Variants in TACR3 observed in about 807,000 individuals in gnomAD.
TACR3 encodes the protein tachykinin receptor 3.
Under a neutral mutation model 35.0 loss-of-function variants are expected in TACR3, and 34 were observed. The ratio of observed to expected loss-of-function variants is 0.97; its 90% confidence interval spans 0.74 to 1.30. TACR3 has a LOEUF of 1.30. TACR3 is among the 50% of genes most tolerant of loss of function. The pLI, the probability that TACR3 is intolerant of heterozygous loss-of-function variation, is 0.00. For synonymous variants in TACR3, 233 were observed against 221.1 expected (o/e 1.05, Z -0.48); for missense variants, 558 against 591.7 (o/e 0.94, Z 0.59).
At chr4:103,642,215 T>C (rs1725369933) in intron 3 of TACR3, among the ~76,000 whole-genome samples, 1 of 150,568 alleles carries the variant, frequency 6.6e-6, no homozygotes, top group Non-Finnish European at 1.5e-5. Context: ...TACATATTTA[T>C]ATATATATAT....
intron 3 of TACR3, among the ~76,000 whole-genome samples, chr4:103,635,155 T>A (rs557844066): frequency 2.0e-5 from 3 of 152,086 alleles, no homozygotes; most frequent in South Asian, 4.1e-4. Context: ...CTACTACATA[T>A]AAACATGACA....
intron 1 of TACR3, among the ~76,000 whole-genome samples, chr4:103,674,194 A>G (rs1726116456): frequency 6.6e-6 from 1 of 152,176 alleles, no homozygotes; most frequent in Non-Finnish European, 1.5e-5. Flanking sequence ...ACAGATTTCA[A>G]AAACAGTGTT....
In TACR3 at chr4:103,589,769, A is replaced by T; in HGVS notation, c.1311T>A (p.Asn437Lys). The T allele has an allele frequency of 6.2e-7, 1 of 1,613,994 alleles. No homozygotes were observed. The highest frequency in any genetic ancestry group is 8.5e-7 in the Non-Finnish European group (1 of 1,179,900). ...ATTTGGAATTCCTGCGAGAGCAGCC[A>T]TTGAAACTTGGGTCTCTTGGCGTTG... ...KRATPRDPSF[N>K]GCSRRNSKSA... The change falls in exon 5 of 5, where the codon AAT becomes AAA. Residue 437 changes from asparagine (N) to lysine (K), a missense_variant. Physicochemically the swap from Asn to Lys is moderately conservative, Grantham distance 94 (BLOSUM62 0). Transcript: ENST00000304883.
At chr4:103,716,107 T>G (rs371514142) in intron 1 of TACR3, among the ~76,000 whole-genome samples, 2 of 152,090 alleles carry the variant, frequency 1.3e-5, no homozygotes, top group African/African-American at 4.8e-5. Context: ...TTGGAAAAGC[T>G]TATCATCTTT....
rs116332368 is a variant in TACR3, at chr4:103,714,067, G to T, written c.548+5061C>A. On this transcript the variant is annotated intron_variant, in intron 1 of 4. Transcript: ENST00000304883. ...ATGAAAATATGGGATATAAGCAAATGATACTTTCATGCTTGTTAGACATTT... is the reference window on the plus strand; with the variant it reads ...ATGAAAATATGGGATATAAGCAAATTATACTTTCATGCTTGTTAGACATTT... Among the ~76,000 whole-genome samples, 868 of 152,172 alleles carry T rather than the reference G, an allele frequency of 5.7e-3. 8 individuals carry two copies. The highest frequency in any genetic ancestry group is 0.02 in the African/African-American group (820 of 41,514).
chr4:103,625,053 C>G (rs952555133), intron 3 of TACR3, among the ~76,000 whole-genome samples: 3 of 152,084 alleles, frequency 2.0e-5, no homozygotes, highest in African/African-American at 7.2e-5. Flanking sequence ...TGCCTCAGAA[C>G]TGACTTCAGA....
At chr4:103,686,606 C>A (rs1722247585) in intron 1 of TACR3, among the ~76,000 whole-genome samples, 1 of 152,140 alleles carries the variant, frequency 6.6e-6, no homozygotes, top group Admixed American at 6.6e-5. Flanking sequence ...TATAAAATGT[C>A]TGATTTTTGA....
At chr4:103,625,944 G>A (rs998463329) in intron 3 of TACR3, among the ~76,000 whole-genome samples, 1 of 152,162 alleles carries the variant, frequency 6.6e-6, no homozygotes, top group East Asian at 1.9e-4. Context: ...TGAAGGGAAG[G>A]CCACATGAAG....
At chr4:103,606,746 A>C (rs1248645145) in intron 3 of TACR3, among the ~76,000 whole-genome samples, 2 of 152,122 alleles carry the variant, frequency 1.3e-5, no homozygotes, top group Non-Finnish European at 1.5e-5. Context: ...TTTTCTAGAT[A>C]TACAATCATG....
rs548868893 is a variant in TACR3, at chr4:103,589,969, A to G, written c.1111T>C (p.Phe371Leu). 1 of 1,613,646 alleles carries G rather than the reference A, an allele frequency of 6.2e-7. No individual in the cohort carries two copies. The highest frequency in any genetic ancestry group is 8.5e-7 in the Non-Finnish European group (1 of 1,179,720). The change falls in exon 5 of 5, where the codon TTT (phenylalanine) becomes CTT (leucine). Residue 371 changes from phenylalanine (F) to leucine (L), a missense_variant. Phe to Leu is a conservative substitution (Grantham distance 22). Transcript: ENST00000304883. ...KRFRAGFKRA[F>L]RWCPFIKVSS... ...ACTTTGATGAAAGGACACCAGCGAA[A>G]TGCTCTCTTGAAGCCAGCTCGAAAT...
intron 1 of TACR3, among the ~76,000 whole-genome samples, chr4:103,705,127 A>G (rs1722756218): frequency 6.6e-6 from 1 of 152,154 alleles, no homozygotes. Context: ...CTTAAAAATT[A>G]AATCCTGAGT....
intron 3 of TACR3, among the ~76,000 whole-genome samples, chr4:103,606,912 G>A (rs1412344670): frequency 6.6e-6 from 1 of 152,106 alleles, no homozygotes; most frequent in Non-Finnish European, 1.5e-5. Flanking sequence ...TTTTCAAAGG[G>A]AATGCTTCCA....
chr4:103,661,473 T>C (rs936998523), intron 1 of TACR3, among the ~76,000 whole-genome samples: 19 of 152,286 alleles, frequency 1.2e-4, no homozygotes, highest in Admixed American at 7.8e-4. Flanking sequence ...GCTTTGTTGC[T>C]TGCTCTGGCA....
intron 3 of TACR3, among the ~76,000 whole-genome samples, chr4:103,607,430 T>G (rs1305600047): frequency 7.9e-5 from 12 of 151,838 alleles, no homozygotes; most frequent in Admixed American, 7.2e-4. Flanking sequence ...GTTATTATGC[T>G]CATAATAAGA....
At position 103,698,165 on chromosome 4, in the gene TACR3, GA is replaced by G. The variant is rs2110221249; in HGVS notation, c.548+20962del. On this transcript the variant is annotated intron_variant, in intron 1 of 4. Transcript: ENST00000304883. ...AATGGAATCATAATTAGTAGTTAAA[GA>G]AATTTGAATGTATTTTACATCATGT... 2.6e-5 allele frequency among the ~76,000 whole-genome samples: 4 copies of G among 151,988 alleles called. No individual in the cohort carries two copies. The South Asian group carries it at 8.3e-4, about 32-fold the overall frequency.
At chr4:103,705,273 T>TA (rs1308990206) in intron 1 of TACR3, among the ~76,000 whole-genome samples, 1 of 152,254 alleles carries the variant, frequency 6.6e-6, no homozygotes, top group African/African-American at 2.4e-5. Context: ...TGCAATTTCA[T>TA]AAAAAATATG....
At position 103,588,665 on chromosome 4, in the gene TACR3, A is replaced by G. The variant is rs774956459; in HGVS notation, c.*1017T>C. Reference sequence around the variant, plus strand: ...TTTCTAAGAGGTAATTCACTTGTCTACACCTTGCCTAGTTTACTCATATGT... The same window carrying G: ...TTTCTAAGAGGTAATTCACTTGTCTGCACCTTGCCTAGTTTACTCATATGT... On this transcript the variant is annotated 3_prime_UTR_variant, in exon 5 of 5. Coordinates refer to ENST00000304883, the MANE Select transcript of TACR3 (RefSeq NM_001059.3). The G allele has an allele frequency of 1.3e-5, 2 of 152,122 alleles. No individual in the cohort carries two copies. Among genetic ancestry groups the G allele is most frequent in the Non-Finnish European group, 2.9e-5 (2 of 67,986 alleles). 9.4% of individuals were successfully genotyped at this position (152,122 alleles called of 1,614,324 possible). A position where few individuals can be genotyped will look rare whatever the true frequency, so the allele number is the denominator to read the frequency against.
chr4:103,680,155 CAT>C (rs148311098), intron 1 of TACR3, among the ~76,000 whole-genome samples: 3,032 of 151,412 alleles, frequency 0.02, 102 homozygotes, highest in African/African-American at 0.07. Context: ...TTTGATGAAA[CAT>C]ATGGGATGTT....
At chr4:103,647,216 C>A (rs1725482442) in intron 3 of TACR3, among the ~76,000 whole-genome samples, 1 of 151,788 alleles carries the variant, frequency 6.6e-6, no homozygotes, top group Non-Finnish European at 1.5e-5. Context: ...CATAAAGTTT[C>A]AAATTTTGTT....
Sources: allele counts gnomAD v4.1 joint callset (sites outside exome capture counted in the v4.1 genomes callset), GRCh38; gene constraint gnomAD v4.1.1; transcripts MANE v1.5; gene names NCBI Gene and HGNC (gene_info 2026-07-23, HGNC 2026-07-21).